NINJ2: variants seen among roughly 807,000 people sequenced by gnomAD.
NINJ2 encodes the protein ninjurin-2.
Under a neutral mutation model 11.7 loss-of-function variants are expected in NINJ2, and 12 were observed. That is an observed-to-expected ratio of 1.02 (90% confidence interval 0.66 to 1.66). The LOEUF is 1.66. Among genes scored for constraint, NINJ2 ranks in the 40% most tolerant of loss-of-function variants. The pLI, the probability that NINJ2 is intolerant of heterozygous loss-of-function variation, is 0.00. For missense variants in NINJ2, 187 were observed against 181.8 expected, an observed-to-expected ratio of 1.03 and a Z score of -0.16; for synonymous variants, 93 against 76.8, an observed-to-expected ratio of 1.21 and a Z score of -1.10.
At position 633,504 on chromosome 12, in the gene NINJ2, A is replaced by T. The variant is rs188050264; in HGVS notation, c.33+29824T>A. Among the ~76,000 whole-genome samples the T allele has an allele frequency of 6.6e-6, 1 of 152,038 alleles. No individual in the cohort carries two copies. The highest frequency in any genetic ancestry group is 1.5e-5 in the Non-Finnish European group (1 of 67,990). ...AACAGAAAGAGACTGTCTCCAAAAAAAAAAAATCATGTCATTTAAAAACTT... is the reference window on the plus strand; with the variant it reads ...AACAGAAAGAGACTGTCTCCAAAAATAAAAAATCATGTCATTTAAAAACTT... On this transcript the variant is annotated intron_variant, in intron 1 of 3. Coordinates refer to ENST00000305108, the MANE Select transcript of NINJ2 (RefSeq NM_016533.6). This position sits in a 1 kb window ranked among gnomAD's most constrained non-coding sequence, Gnocchi z 4.3.
intron 1 of NINJ2, among the ~76,000 whole-genome samples, chr12:661,204 G>A (rs965802226): frequency 1.3e-5 from 2 of 151,974 alleles, no homozygotes; most frequent in Admixed American, 6.6e-5. Flanking sequence ...TCAGCCTCCC[G>A]AGTAGTGGGG....
intron 1 of NINJ2, among the ~76,000 whole-genome samples, chr12:597,252 C>A (rs556565784): frequency 6.6e-6 from 1 of 152,316 alleles, no homozygotes; most frequent in South Asian, 2.1e-4. Flanking sequence ...TTCTGTGCCT[C>A]AGTCTCCCCA....
intron 1 of NINJ2, among the ~76,000 whole-genome samples, chr12:606,703 G>A (rs772398630): frequency 6.6e-6 from 1 of 152,204 alleles, no homozygotes; most frequent in Admixed American, 6.5e-5. Context: ...GCAATTGCGG[G>A]AAGACGGTTT....
At chr12:619,544 G>A (rs4980951) in intron 1 of NINJ2, among the ~76,000 whole-genome samples, 40,376 of 152,082 alleles carry the variant, frequency 0.27, 5,415 homozygotes, top group East Asian at 0.31. Context: ...GAATTAGAAT[G>A]TAAAGAACGC....
intron 1 of NINJ2, among the ~76,000 whole-genome samples, chr12:660,410 C>A (rs12811008): frequency 0.97 from 144,129 of 148,532 alleles, 70,081 homozygotes; most frequent in East Asian, 1. Context: ...GCACGATCTC[C>A]GCTCACCACA....
chr12:650,006 C>T (rs1290946653), intron 1 of NINJ2, among the ~76,000 whole-genome samples: 1 of 151,968 alleles, frequency 6.6e-6, no homozygotes, highest in African/African-American at 2.4e-5. Flanking sequence ...AATAATATTT[C>T]AATGAACATC....
intron 1 of NINJ2, among the ~76,000 whole-genome samples, chr12:627,597 C>CTCCAAT (rs1948224095): frequency 6.6e-6 from 1 of 152,198 alleles, no homozygotes; most frequent in Admixed American, 6.5e-5. Context: ...TCATGAGAGG[C>CTCCAAT]AGGGGCAGAC....
intron 1 of NINJ2, among the ~76,000 whole-genome samples, chr12:630,083 A>G (rs1363389980): frequency 6.6e-6 from 1 of 151,152 alleles, no homozygotes; most frequent in Admixed American, 6.6e-5. Context: ...GCTGTCACCA[A>G]AGCCCCACCT....
intron 1 of NINJ2, among the ~76,000 whole-genome samples, chr12:625,334 A>G (rs1475151981): frequency 6.6e-6 from 1 of 152,094 alleles, no homozygotes; most frequent in African/African-American, 2.4e-5. Flanking sequence ...GCAAGAACAT[A>G]GGGAGAGGGA....
At chr12:660,121 A>G (rs1286230728) in intron 1 of NINJ2, among the ~76,000 whole-genome samples, 1 of 139,322 alleles carries the variant, frequency 7.2e-6, no homozygotes, top group Non-Finnish European at 1.6e-5. Context: ...CCCAATCACT[A>G]AAAAAAGAAA....
rs777034209 is a variant in NINJ2, at chr12:565,999, G to A, written c.213C>T (p.Ser71=). 6.2e-7 allele frequency: 1 copy of A among 1,614,250 alleles called. No individual in the cohort carries two copies. Among genetic ancestry groups the A allele is most frequent in the Non-Finnish European group, 8.5e-7 (1 of 1,180,054 alleles). The change falls in exon 2 of 4, where the codon AGC becomes AGT. Residue 71 remains serine, a synonymous_variant. Transcript: ENST00000305108. The part of the protein sequence containing the change: ...HYYTTLVTLI[S]LSLLLQVVIG... Reference sequence around the variant, plus strand: ...TGACCACCTGCAGGAGCAGAGAGAGGCTGATGAGGGTGACCAGGGTGGTGT... The same window carrying A: ...TGACCACCTGCAGGAGCAGAGAGAGACTGATGAGGGTGACCAGGGTGGTGT...
chr12:662,886 A>G (rs1937976345), intron 1 of NINJ2, among the ~76,000 whole-genome samples: 1 of 152,174 alleles, frequency 6.6e-6, no homozygotes, highest in Non-Finnish European at 1.5e-5. Context: ...GAAACGGCTC[A>G]AGTTTTTTCC....
intron 1 of NINJ2, among the ~76,000 whole-genome samples, chr12:576,941 A>T (rs1004908708): frequency 6.6e-5 from 10 of 152,072 alleles, no homozygotes; most frequent in Non-Finnish European, 1.5e-4. Flanking sequence ...CATTCCCCAA[A>T]GCCCTCCCAG....
chr12:658,410 A>G (rs916106424), intron 1 of NINJ2, among the ~76,000 whole-genome samples: 3 of 152,198 alleles, frequency 2.0e-5, no homozygotes, highest in African/African-American at 7.2e-5. Flanking sequence ...ACACTGGAAT[A>G]TTATTCAGTA....
chr12:617,765 TG>T (rs1285673297), intron 1 of NINJ2, among the ~76,000 whole-genome samples: 1 of 152,108 alleles, frequency 6.6e-6, no homozygotes, highest in Non-Finnish European at 1.5e-5. Flanking sequence ...CCACAGAGAT[TG>T]GGCAACTTCT....
chr12:602,290 T>C (rs952311655), intron 1 of NINJ2, among the ~76,000 whole-genome samples: 1 of 152,188 alleles, frequency 6.6e-6, no homozygotes, highest in Admixed American at 6.5e-5. Flanking sequence ...AGAAACCCAG[T>C]GCCCATCCCT....
rs531295316 is a variant in NINJ2, at chr12:634,442, G to C, written c.33+28886C>G. Among the ~76,000 whole-genome samples, 42 of 151,828 alleles carry C rather than the reference G, an allele frequency of 2.8e-4. 1 individual carries two copies. In the South Asian group the frequency reaches 7.5e-3, roughly 27 times the overall value. ...AGCCGGCTAATTTTTTGTATTTTTA[G>C]TAGAGACGGAATTTCACCATGTTGG... On this transcript the variant is annotated intron_variant, in intron 1 of 3. Coordinates refer to ENST00000305108, the MANE Select transcript of NINJ2 (RefSeq NM_016533.6).
intron 1 of NINJ2, among the ~76,000 whole-genome samples, chr12:572,850 A>ATTTTTTT (rs539715060): frequency 1.5e-4 from 14 of 96,134 alleles, no homozygotes; most frequent in African/African-American, 3.1e-4. Context: ...AGAGCCTGTA[A>ATTTTTTT]TTTTTTTTTT....
At chr12:596,449 C>T (rs894980663) in intron 1 of NINJ2, among the ~76,000 whole-genome samples, 13 of 152,070 alleles carry the variant, frequency 8.5e-5, no homozygotes, top group African/African-American at 2.2e-4. Flanking sequence ...ATAATGGGGG[C>T]GGCTGTGCGT....
Sources: gnomAD v4.1 joint callset for allele counts (sites outside exome capture counted in the v4.1 genomes callset) on GRCh38, gnomAD v4.1.1 for gene constraint, Gnocchi (gnomAD v3.1) non-coding constraint, MANE v1.5 for transcripts, NCBI Gene and HGNC (gene_info 2026-07-23, HGNC 2026-07-21) for gene names.